The following EMSY variants were observed in gnomAD, a reference collection of about 807,000 sequenced individuals.
EMSY encodes EMSY transcriptional repressor, BRCA2 interacting, also known as BRCA2-interacting transcriptional repressor EMSY.
EMSY carries 26 observed loss-of-function variants against 134.6 expected under a neutral mutation model. That is an observed-to-expected ratio of 0.19 (90% CI 0.14 to 0.27). The LOEUF (loss-of-function observed/expected upper bound fraction) is 0.27, where lower values mean the gene tolerates loss of function less well. Ranked by LOEUF, EMSY falls within the 10% of genes least tolerant of loss-of-function variation. EMSY has a pLI of 1.00. For synonymous variants in EMSY, 579 were observed against 577.8 expected (o/e 1.00, Z -0.03); for missense variants, 1,305 against 1,611.4 (o/e 0.81, Z 3.26).
At chr11:76,501,508 CA>C (rs1430264009) in intron 9 of EMSY, among the ~76,000 whole-genome samples, 2 of 152,020 alleles carry the variant, frequency 1.3e-5, no homozygotes, top group Non-Finnish European at 2.9e-5. Flanking sequence ...TAAAGAGAGC[CA>C]AACAGAAAAT....
chr11:76,445,262 G>T (rs1261975311), intron 1 of EMSY, 134 bp downstream of exon 1: 2 of 153,278 alleles, frequency 1.3e-5, no homozygotes, highest in Non-Finnish European at 2.9e-5. Flanking sequence ...GGGATCGTGG[G>T]GCTCCCCGGG....
At chr11:76,462,192 T>C (rs549341218) in intron 6 of EMSY, among the ~76,000 whole-genome samples, 1 of 151,358 alleles carries the variant, frequency 6.6e-6, no homozygotes, top group East Asian at 2.0e-4. Context: ...TGAGCTGAGA[T>C]CGCACCACTG....
chr11:76,499,987 G>A (rs1418427205), intron 9 of EMSY, among the ~76,000 whole-genome samples: 5 of 151,190 alleles, frequency 3.3e-5, no homozygotes, highest in Admixed American at 2.6e-4. Context: ...GGGAGCAGGA[G>A]GATTGCTTGA....
chr11:76,545,895 T>A (rs1433560343), exon 20 of EMSY: 1 of 1,614,204 alleles, frequency 6.2e-7, no homozygotes, highest in East Asian at 2.2e-5. Flanking sequence ...GTGGCAGTTC[T>A]GTGCCTAAGC....
chr11:76,490,371 C>T (rs948522581), intron 8 of EMSY, among the ~76,000 whole-genome samples: 12 of 152,070 alleles, frequency 7.9e-5, no homozygotes, highest in African/African-American at 2.9e-4. Context: ...GCATATGCCC[C>T]CCGACCCCTG....
exon 7 of EMSY, chr11:76,464,006 C>G: frequency 6.2e-7 from 1 of 1,614,204 alleles, no homozygotes; most frequent in Non-Finnish European, 8.5e-7. Flanking sequence ...CAACTCCTTA[C>G]CACCCCACAT....
intron 7 of EMSY, among the ~76,000 whole-genome samples, chr11:76,471,238 AAC>A (rs1393932420): frequency 6.6e-6 from 1 of 152,080 alleles, no homozygotes; most frequent in Non-Finnish European, 1.5e-5. Flanking sequence ...TATTTTTTAA[AAC>A]AGTTTTAGAT....
intron 13 of EMSY, among the ~76,000 whole-genome samples, chr11:76,527,467 T>G (rs1950884957): frequency 6.6e-6 from 1 of 152,118 alleles, no homozygotes; most frequent in Non-Finnish European, 1.5e-5. Context: ...GTCTGAGAAA[T>G]TTTAGAATCT....
intron 9 of EMSY, among the ~76,000 whole-genome samples, chr11:76,504,356 T>A (rs1354490866): frequency 6.6e-6 from 1 of 151,358 alleles, no homozygotes; most frequent in Non-Finnish European, 1.5e-5. Context: ...AACCCAATTT[T>A]AAAATGGGTA....
chr11:76,544,679 G>A (rs558771284), exon 19 of EMSY: 3 of 1,614,132 alleles, frequency 1.9e-6, no homozygotes, highest in Non-Finnish European at 2.5e-6. Context: ...GCAAACTGTA[G>A]TACAGGTGCT....
intron 15 of EMSY, among the ~76,000 whole-genome samples, chr11:76,536,609 C>T (rs1227156154): frequency 6.6e-6 from 1 of 152,174 alleles, no homozygotes; most frequent in Non-Finnish European, 1.5e-5. Flanking sequence ...CCTCATATAA[C>T]TAGATCCTAT....
At chr11:76,506,789 A>T (rs1446133821) in intron 9 of EMSY, among the ~76,000 whole-genome samples, 1 of 152,238 alleles carries the variant, frequency 6.6e-6, no homozygotes, top group African/African-American at 2.4e-5. Context: ...AAATCCCGAT[A>T]AGATGAAAAC....
At chr11:76,500,297 G>A (rs951328818) in intron 9 of EMSY, among the ~76,000 whole-genome samples, 1 of 152,076 alleles carries the variant, frequency 6.6e-6, no homozygotes, top group African/African-American at 2.4e-5. Context: ...TTTGCCAAAG[G>A]ATAGAAATAA....
At chr11:76,483,816 C>T (rs1429107260) in intron 8 of EMSY, among the ~76,000 whole-genome samples, 2 of 152,122 alleles carry the variant, frequency 1.3e-5, no homozygotes, top group African/African-American at 2.4e-5. Flanking sequence ...TTTAACACCC[C>T]ACTGTCAATA....
intron 8 of EMSY, among the ~76,000 whole-genome samples, chr11:76,479,482 C>T (rs1948888213): frequency 1.3e-5 from 2 of 152,242 alleles, no homozygotes; most frequent in Admixed American, 6.5e-5. Flanking sequence ...CCCCGCAATG[C>T]CCCACATGGG....
At chr11:76,549,766 C>T (rs757614905) in intron 20 of EMSY, among the ~76,000 whole-genome samples, 186 bp from the exon 22 acceptor site, 3 of 151,900 alleles carry the variant, frequency 2.0e-5, no homozygotes, top group Non-Finnish European at 2.9e-5. Context: ...AGGGATTTAG[C>T]AGAATATGAT....
chr11:76,540,543 T>C (rs1048068531), intron 17 of EMSY, among the ~76,000 whole-genome samples: 4 of 152,212 alleles, frequency 2.6e-5, no homozygotes, highest in Non-Finnish European at 5.9e-5. Flanking sequence ...TCAAATCACA[T>C]GTAGATATAT....
chr11:76,499,356 C>T (rs1352753177), intron 9 of EMSY, among the ~76,000 whole-genome samples: 4 of 130,440 alleles, frequency 3.1e-5, no homozygotes, highest in East Asian at 4.8e-4. Flanking sequence ...GGCGCTATCT[C>T]GGCTCACTGC....
rs368113459 is a variant in EMSY at position 76,538,639 on chromosome 11, C to T, written c.2515+689C>T. On this transcript the variant is annotated intron_variant, in intron 16 of 20. Coordinates refer to ENST00000334736, the Ensembl canonical transcript of EMSY. ...CAAGGGGGAAAGAAGAAATAAAATCCGGTCCTTTTAATATTTTTCAAAAAG... is the reference window on the plus strand; with the variant it reads ...CAAGGGGGAAAGAAGAAATAAAATCTGGTCCTTTTAATATTTTTCAAAAAG... Among the ~76,000 whole-genome samples the T allele has an allele frequency of 1.3e-4, 20 of 152,090 alleles. No homozygotes were observed. The East Asian group carries it at 2.9e-3, about 22-fold the overall frequency.
Sources: gnomAD v4.1 joint callset for allele counts (sites outside exome capture counted in the v4.1 genomes callset) on GRCh38, gnomAD v4.1.1 for gene constraint, MANE v1.5 for transcripts, NCBI Gene and HGNC (gene_info 2026-07-23, HGNC 2026-07-21) for gene names.